WWOX: variants seen among roughly 807,000 people sequenced by gnomAD.
The protein encoded by WWOX is WW domain containing oxidoreductase.
WWOX carries 69 observed loss-of-function variants against 46.2 expected under a neutral mutation model. The ratio of observed to expected loss-of-function variants is 1.49; its 90% confidence interval spans 1.23 to 1.82. The LOEUF is 1.82. Ranked by LOEUF, WWOX falls within the 40% of genes most tolerant of loss-of-function variation. The probability of loss-of-function intolerance (pLI) is 0.00; values close to 1 mark genes in which losing one functional copy is unlikely to be tolerated. For synonymous variants in WWOX, 359 were observed against 202.6 expected (o/e 1.77, Z -6.56); for missense variants, 919 against 542.6 (o/e 1.69, Z -6.89).
intron 8 of WWOX, among the ~76,000 whole-genome samples, chr16:78,946,821 G>A (rs1321474609): frequency 3.3e-5 from 5 of 152,108 alleles, no homozygotes; most frequent in African/African-American, 4.8e-5. Context: ...TAAGAACTGC[G>A]GTAGCAAGGA....
intron 8 of WWOX, among the ~76,000 whole-genome samples, chr16:78,716,381 T>G (rs72799083): frequency 6.6e-6 from 1 of 151,952 alleles, no homozygotes; most frequent in Admixed American, 6.6e-5. Context: ...AAAGAGTACA[T>G]TGCTGTTCTA....
intron 8 of WWOX, among the ~76,000 whole-genome samples, chr16:78,684,989 A>T (rs1331872600): frequency 1.3e-5 from 2 of 152,068 alleles, no homozygotes; most frequent in Non-Finnish European, 1.5e-5. Context: ...GAGTGTTCTC[A>T]ATGTGATTTT....
intron 5 of WWOX, among the ~76,000 whole-genome samples, chr16:78,321,501 G>T (rs965072023): frequency 9.2e-5 from 14 of 151,430 alleles, no homozygotes; most frequent in African/African-American, 3.2e-4. Context: ...TTGAAACTTG[G>T]AGTGGATTCG....
chr16:78,819,103 A>G (rs1008290839), intron 8 of WWOX, among the ~76,000 whole-genome samples: 2 of 152,174 alleles, frequency 1.3e-5, no homozygotes, highest in Non-Finnish European at 2.9e-5. Context: ...TTCCACAGAA[A>G]AGCGTTCACT....
intron 5 of WWOX, among the ~76,000 whole-genome samples, chr16:78,316,528 A>C (rs935045747): frequency 6.6e-6 from 1 of 151,878 alleles, no homozygotes; most frequent in African/African-American, 2.4e-5. Context: ...TTTTTAATAG[A>C]GATGTGGTTT....
In WWOX at chr16:78,751,428, T is replaced by C. The variant is rs547315310; in HGVS notation, c.1056+318676T>C. ...GAATTTATCAGATTATATATATATATATTTATCAGATTATATATATATTTA... is the reference window on the plus strand; with the variant it reads ...GAATTTATCAGATTATATATATATACATTTATCAGATTATATATATATTTA... On this transcript the variant is annotated intron_variant, in intron 8 of 8. Coordinates refer to ENST00000566780, the MANE Select transcript of WWOX (RefSeq NM_016373.4). Among the ~76,000 whole-genome samples the C allele has an allele frequency of 2.1e-5, 3 of 145,540 alleles. No homozygotes were observed. In the East Asian group the frequency reaches 6.0e-4, roughly 29 times the overall value.
rs371954890 is a variant in WWOX, at chr16:78,374,269, TC to T, written c.517-12590del. On this transcript the variant is annotated intron_variant, in intron 5 of 8. Transcript: ENST00000566780. The stretch of plus-strand genomic sequence containing the variant: ...GTCTTACGTACATGTTTAAATTTTT[TC>T]TTAGAGTATCAAGTTATTTAATGTC... 2.6e-3 allele frequency among the ~76,000 whole-genome samples: 403 copies of T among 152,316 alleles called. 3 individuals are homozygous for T. Among genetic ancestry groups the T allele is most frequent in the African/African-American group, 9.5e-3 (395 of 41,560 alleles).
intron 8 of WWOX, among the ~76,000 whole-genome samples, chr16:78,704,875 C>T (rs1201861575): frequency 3.3e-5 from 5 of 150,338 alleles, no homozygotes; most frequent in Non-Finnish European, 1.5e-5. Flanking sequence ...CACCCCAACT[C>T]TTTTATTTTT....
chr16:78,555,090 G>A (rs74029555), intron 8 of WWOX, among the ~76,000 whole-genome samples: 10,104 of 149,840 alleles, frequency 0.067, 566 homozygotes, highest in African/African-American at 0.15. Flanking sequence ...TTGGAAGGAC[G>A]GATTTTTTCC....
chr16:78,903,497 C>T (rs564210376), intron 8 of WWOX, among the ~76,000 whole-genome samples: 222 of 152,312 alleles, frequency 1.5e-3, no homozygotes, highest in Admixed American at 3.5e-3. Context: ...AGCAAAACCA[C>T]TCAGAGGTAC....
At chr16:78,419,839 C>T (rs1481744259) in intron 6 of WWOX, among the ~76,000 whole-genome samples, 2 of 151,994 alleles carry the variant, frequency 1.3e-5, no homozygotes, top group Non-Finnish European at 2.9e-5. Context: ...ATGATACCAT[C>T]ACGAAAGTGT....
chr16:78,221,471 TG>T (rs2036886606), intron 5 of WWOX, among the ~76,000 whole-genome samples: 1 of 152,112 alleles, frequency 6.6e-6, no homozygotes, highest in Non-Finnish European at 1.5e-5. Context: ...TTTCCATTAA[TG>T]GTGGACTCTG....
intron 4 of WWOX, among the ~76,000 whole-genome samples, chr16:78,132,361 C>A (rs1034537102): frequency 6.6e-6 from 1 of 152,114 alleles, no homozygotes; most frequent in African/African-American, 2.4e-5. Flanking sequence ...AATTATGCAT[C>A]TTCTGAGTAA....
intron 8 of WWOX, among the ~76,000 whole-genome samples, chr16:78,907,499 G>T (rs1443770889): frequency 1.3e-5 from 2 of 152,112 alleles, no homozygotes; most frequent in Admixed American, 1.3e-4. Flanking sequence ...TTTAGTTTGG[G>T]GGTAGGGCCA....
intron 8 of WWOX, among the ~76,000 whole-genome samples, chr16:79,159,847 C>T (rs866198387): frequency 1.3e-5 from 2 of 152,174 alleles, no homozygotes; most frequent in South Asian, 2.1e-4. Flanking sequence ...TCCATTCTCG[C>T]CTTCTAGCCT....
At chr16:78,801,701 C>A (rs1427263737) in intron 8 of WWOX, among the ~76,000 whole-genome samples, 1 of 152,162 alleles carries the variant, frequency 6.6e-6, no homozygotes. Context: ...GTGGATACCT[C>A]TTCCGAGCAG....
chr16:78,706,740 C>T (rs900163413), intron 8 of WWOX, among the ~76,000 whole-genome samples: 2 of 152,164 alleles, frequency 1.3e-5, no homozygotes, highest in South Asian at 2.1e-4. Context: ...GGTACTGACG[C>T]AATTGGCACC....
At chr16:78,726,091 C>CCCTCCCTCCCTCCCTCTT (rs2048826455) in intron 8 of WWOX, among the ~76,000 whole-genome samples, 1 of 114,780 alleles carries the variant, frequency 8.7e-6, no homozygotes, top group African/African-American at 3.8e-5. Flanking sequence ...CCCTCTTCCT[C>CCCTCCCTCCCTCCCTCTT]CCTCCCTCCC....
At chr16:79,118,207 T>A (rs983109109) in intron 8 of WWOX, among the ~76,000 whole-genome samples, 2 of 152,202 alleles carry the variant, frequency 1.3e-5, no homozygotes, top group African/African-American at 2.4e-5. Context: ...TTTGCCTAAT[T>A]TCAATACTGT....
Sources: allele counts gnomAD v4.1 joint callset (sites outside exome capture counted in the v4.1 genomes callset), GRCh38; gene constraint gnomAD v4.1.1; transcripts MANE v1.5; gene names NCBI Gene and HGNC (gene_info 2026-07-23, HGNC 2026-07-21).